SFI1: variants seen among roughly 807,000 people sequenced by gnomAD.
The protein encoded by SFI1 is protein SFI1 homolog.
SFI1 carries 195 observed loss-of-function variants against 207.5 expected under a neutral mutation model. The ratio of observed to expected loss-of-function variants is 0.94; its 90% CI spans 0.84 to 1.06. The LOEUF is 1.06. Ranked by LOEUF, SFI1 falls within the 50% of genes least tolerant of loss-of-function variation. The probability of loss-of-function intolerance (pLI) is 0.00; values close to 1 mark genes in which losing one functional copy is unlikely to be tolerated. For synonymous variants in SFI1, 630 were observed against 598.9 expected (o/e 1.05, Z -0.76); for missense variants, 1,634 against 1,588.0 (o/e 1.03, Z -0.49).
chr22:31,541,475 G>A (rs143274815), intron 4 of SFI1, among the ~76,000 whole-genome samples: 279 of 152,212 alleles, frequency 1.8e-3, no homozygotes, highest in Non-Finnish European at 3.1e-3. Context: ...TAGAATTGTA[G>A]GCCAGGCGTG....
At chr22:31,569,261 A>G (rs1351045071) in intron 8 of SFI1, among the ~76,000 whole-genome samples, 1 of 152,154 alleles carries the variant, frequency 6.6e-6, no homozygotes, top group African/African-American at 2.4e-5. Flanking sequence ...AAATCTGGCT[A>G]CCTGCCATCT....
At chr22:31,573,338 G>T (rs994201481) in intron 9 of SFI1, 124 bp downstream of exon 9, 3 of 888,712 alleles carry the variant, frequency 3.4e-6, no homozygotes, top group Non-Finnish European at 3.3e-6. Flanking sequence ...GGTAAAAGGA[G>T]ATTAAGGAGG....
At chr22:31,609,998 C>G (rs1393386250) in intron 22 of SFI1, among the ~76,000 whole-genome samples, 1 of 152,276 alleles carries the variant, frequency 6.6e-6, no homozygotes, top group Middle Eastern at 3.4e-3. Context: ...TAGAGGGAGG[C>G]GGTGGCAGGC....
intron 15 of SFI1, among the ~76,000 whole-genome samples, chr22:31,590,951 T>TTTA (rs2065781324): frequency 1.4e-5 from 2 of 144,278 alleles, no homozygotes; most frequent in Non-Finnish European, 3.0e-5. Context: ...ACTTTTTTCT[T>TTTA]TTTATTTATT....
rs751455847 is a variant in SFI1, at chr22:31,568,165, A to ATG, written c.766-4865_766-4864dup. Among the ~76,000 whole-genome samples, 1,151 of 119,018 alleles carry ATG rather than the reference A, an allele frequency of 9.7e-3. 8 individuals carry two copies. Among genetic ancestry groups the ATG allele is most frequent in the Middle Eastern group, 0.025 (6 of 244 alleles). 78.1% of individuals were successfully genotyped at this position (119,018 alleles called of 152,430 possible). A position where few individuals can be genotyped will look rare whatever the true frequency, so the allele number is the denominator to read the frequency against. On this transcript the variant is annotated intron_variant, in intron 8 of 32. Coordinates refer to ENST00000400288, the MANE Select transcript of SFI1 (RefSeq NM_001007467.3). ...GGACTCTCTCTCTCTCTATATATAT[A>ATG]TGTGTGTGTGTGTGTGTGTGTGTGT... is the stretch of plus-strand genomic sequence containing the variant.
intron 2 of SFI1, among the ~76,000 whole-genome samples, chr22:31,524,614 C>T (rs189127331): frequency 1.7e-4 from 26 of 151,796 alleles, no homozygotes; most frequent in African/African-American, 5.1e-4. Context: ...AGGATTTTGC[C>T]GTGTTGCCCA....
rs1272782355 is a variant in SFI1 at position 31,528,815 on chromosome 22, G to C, written c.218G>C (p.Gly73Ala). 5 of 1,614,060 alleles carry C rather than the reference G, an allele frequency of 3.1e-6. No homozygotes were observed. In the South Asian group the frequency reaches 5.5e-5, roughly 18 times the overall value. The stretch of plus-strand genomic sequence containing the variant: ...ACCAGTCATCTAGTGCAGTATCGTG[G>C]CACACATACTTGTACCCGACAGGGC... ...PSTSHLVQYR[G>A]THTCTRQGRL... Residue 73 changes from glycine (G) to alanine (A), a missense_variant, in exon 3 of 33, where the codon GGC becomes GCC. Gly to Ala is a moderately conservative substitution (Grantham distance 60, BLOSUM62 0). Transcript: ENST00000400288.
At chr22:31,574,680 C>A (rs1348708640) in intron 9 of SFI1, among the ~76,000 whole-genome samples, 1 of 152,198 alleles carries the variant, frequency 6.6e-6, no homozygotes, top group Non-Finnish European at 1.5e-5. Context: ...GCATCCTCCT[C>A]CCTAAAATCA....
chr22:31,499,711 C>T (rs760607097), intron 1 of SFI1, among the ~76,000 whole-genome samples: 6 of 152,094 alleles, frequency 3.9e-5, no homozygotes, highest in Non-Finnish European at 8.8e-5. Context: ...ACACACATCA[C>T]TATTGTCTTA....
chr22:31,592,811 A>AC (rs1318991425), intron 15 of SFI1, among the ~76,000 whole-genome samples: 9 of 106,516 alleles, frequency 8.4e-5, no homozygotes, highest in South Asian at 3.3e-4. Flanking sequence ...GGGAGGGCTG[A>AC]CCCCCCCACC....
intron 2 of SFI1, among the ~76,000 whole-genome samples, chr22:31,516,947 TCAGTC>T (rs2056609325): frequency 6.7e-6 from 1 of 149,350 alleles, no homozygotes; most frequent in East Asian, 2.0e-4. Flanking sequence ...AGAGCGAAAC[TCAGTC>T]TCAAATAAAC....
At chr22:31,615,521 C>T (rs2071272606) in intron 29 of SFI1, 2 of 407,240 alleles carry the variant, frequency 4.9e-6, no homozygotes, top group Admixed American at 4.1e-5. Context: ...AAAGAAAAAC[C>T]CCTGCCTGCA....
chr22:31,604,853 T>A lies in SFI1; in HGVS notation c.1978-16T>A, dbSNP rs377752389. ...GTGGGCCCAAGAGCAGCCTCAGTCT[T>A]CCTTGTCCCCTACAGACTTACCAGG... On this transcript the variant is annotated splice_polypyrimidine_tract_variant and intron_variant, in intron 19 of 32. Transcript: ENST00000400288. 4 of 1,609,636 alleles carry A rather than the reference T, an allele frequency of 2.5e-6. No individual in the cohort carries two copies. In the African/African-American group the frequency reaches 4.0e-5, roughly 16 times the overall value.
intron 15 of SFI1, among the ~76,000 whole-genome samples, chr22:31,592,642 C>CG (rs1328042140): frequency 1.5e-5 from 1 of 68,742 alleles, no homozygotes; most frequent in Non-Finnish European, 2.9e-5. Flanking sequence ...CTGACCCCCC[C>CG]ACCTCCCTCC....
chr22:31,508,252 T>C lies in SFI1; in HGVS notation c.-30-3T>C, dbSNP rs571859516. Reference sequence around the variant, plus strand: ...TCTCTTTTTTATTCTCTTTTTCTTGTAGTTAGAAGGGGAAGATAAAAGACT... The same window carrying C: ...TCTCTTTTTTATTCTCTTTTTCTTGCAGTTAGAAGGGGAAGATAAAAGACT... On this transcript the variant is annotated splice_polypyrimidine_tract_variant and splice_region_variant and intron_variant, in intron 1 of 32. Transcript: ENST00000400288. 5.1e-5 allele frequency: 74 copies of C among 1,447,832 alleles called. No individual in the cohort carries two copies. The South Asian group carries it at 8.0e-4, about 16-fold the overall frequency. 89.7% of individuals were successfully genotyped at this position (1,447,832 alleles called of 1,614,324 possible). A position where few individuals can be genotyped will look rare whatever the true frequency, so the allele number is the denominator to read the frequency against.
chr22:31,557,063 A>C lies in SFI1; in HGVS notation c.662+4A>C. 1 of 1,577,346 alleles carries C rather than the reference A, an allele frequency of 6.3e-7. No homozygotes were observed. The highest frequency in any genetic ancestry group is 8.7e-7 in the Non-Finnish European group (1 of 1,155,122). Reference sequence around the variant, plus strand: ...TTAGGCAACGGATTATCTTACGGTGAGTCTGCTCAACTGCCCTACAAAGTA... The same window carrying C: ...TTAGGCAACGGATTATCTTACGGTGCGTCTGCTCAACTGCCCTACAAAGTA... On this transcript the variant is annotated splice_donor_region_variant and intron_variant, in intron 7 of 32. Coordinates refer to ENST00000400288, the MANE Select transcript of SFI1 (RefSeq NM_001007467.3).
intron 13 of SFI1, among the ~76,000 whole-genome samples, chr22:31,584,448 C>T (rs910720714): frequency 2.0e-5 from 3 of 152,128 alleles, no homozygotes; most frequent in Non-Finnish European, 2.9e-5. Flanking sequence ...TAAAAGTTGC[C>T]TGGCCCCCTC....
intron 4 of SFI1, among the ~76,000 whole-genome samples, chr22:31,542,122 A>C (rs1237960117): frequency 6.9e-6 from 1 of 145,444 alleles, no homozygotes; most frequent in Non-Finnish European, 1.5e-5. Context: ...AAAAAAAAAG[A>C]AATGTACAGT....
rs539664490 is a variant in SFI1 at position 31,500,502 on chromosome 22, C to T, written c.-31+3865C>T. ...TGAGACAGTTTCATCTCATCACCCA[C>T]GGTGGAATGCATTGGCATGATCTTG... On this transcript the variant is annotated intron_variant, in intron 1 of 32. Coordinates refer to ENST00000400288, the MANE Select transcript of SFI1 (RefSeq NM_001007467.3). Among the ~76,000 whole-genome samples, 9 of 152,188 alleles carry T rather than the reference C, an allele frequency of 5.9e-5. No homozygotes were observed. The South Asian group carries it at 6.2e-4, about 11-fold the overall frequency.
Sources: allele counts gnomAD v4.1 joint callset (sites outside exome capture counted in the v4.1 genomes callset), GRCh38; gene constraint gnomAD v4.1.1; transcripts MANE v1.5; gene names NCBI Gene and HGNC (gene_info 2026-07-23, HGNC 2026-07-21).